The following ANO6 variants were observed in gnomAD, a reference collection of about 807,000 sequenced individuals.
ANO6 encodes the protein anoctamin-6.
In ANO6, 106 loss-of-function variants were observed where a neutral mutation model predicts 117.5. That is an observed-to-expected ratio of 0.90 (90% CI 0.77 to 1.06). ANO6 has a LOEUF of 1.06. Ranked by LOEUF, ANO6 falls within the 50% of genes least tolerant of loss-of-function variation. ANO6 has a pLI of 0.00. For synonymous variants in ANO6, 367 were observed against 385.1 expected (o/e 0.95, Z 0.55); for missense variants, 955 against 1,121.1 (o/e 0.85, Z 2.12).
At chr12:45,337,121 T>C (rs1940848761) in intron 3 of ANO6, among the ~76,000 whole-genome samples, 1 of 152,144 alleles carries the variant, frequency 6.6e-6, no homozygotes, top group African/African-American at 2.4e-5. Context: ...TGTTTTAAGC[T>C]AAGTGAGCAG....
chr12:45,305,970 T>C (rs1939656200), intron 2 of ANO6, among the ~76,000 whole-genome samples: 1 of 152,078 alleles, frequency 6.6e-6, no homozygotes, highest in Non-Finnish European at 1.5e-5. Context: ...CTAGAAACTC[T>C]GACTCTGTTG....
At chr12:45,369,744 A>C (rs987725165) in intron 9 of ANO6, among the ~76,000 whole-genome samples, 2 of 152,194 alleles carry the variant, frequency 1.3e-5, no homozygotes, top group African/African-American at 4.8e-5. Flanking sequence ...AAAGAGTACT[A>C]ATTTACAGAT....
Position 45,376,779 on chromosome 12 carries a change from C to A in ANO6, c.1105-1274C>A, listed in dbSNP as rs1198438090. Among the ~76,000 whole-genome samples, 6 of 150,236 alleles carry A rather than the reference C, an allele frequency of 4.0e-5. No individual in the cohort carries two copies. In the East Asian group the frequency reaches 1.2e-3, roughly 29 times the overall value. On this transcript the variant is annotated intron_variant, in intron 9 of 19. Coordinates refer to ENST00000320560, the MANE Select transcript of ANO6 (RefSeq NM_001025356.3). ...ATGATGAGTTAGTGGGTGCAGCGCA[C>A]CAACATGGCACATGTATACATATGT...
At chr12:45,239,136 T>C (rs1223216516) in intron 1 of ANO6, among the ~76,000 whole-genome samples, 1 of 152,192 alleles carries the variant, frequency 6.6e-6, no homozygotes, top group Non-Finnish European at 1.5e-5. Flanking sequence ...CTCTTTATAC[T>C]TCTGGTAGAA....
At chr12:45,293,329 T>C (rs562475559) in intron 1 of ANO6, among the ~76,000 whole-genome samples, 1 of 152,272 alleles carries the variant, frequency 6.6e-6, no homozygotes, top group East Asian at 1.9e-4. Flanking sequence ...GCTCATGGAC[T>C]AGTGGAGAAG....
At chr12:45,286,899 G>A (rs1938934610) in intron 1 of ANO6, among the ~76,000 whole-genome samples, 1 of 152,152 alleles carries the variant, frequency 6.6e-6, no homozygotes, top group African/African-American at 2.4e-5. Flanking sequence ...CCGTGGTTAG[G>A]AAGTGGTAGG....
At chr12:45,319,264 G>A (rs1940169052) in intron 2 of ANO6, among the ~76,000 whole-genome samples, 2 of 152,124 alleles carry the variant, frequency 1.3e-5, no homozygotes, top group Admixed American at 6.6e-5. Flanking sequence ...GTCATAAATA[G>A]CTCTTATCAT....
At chr12:45,371,166 G>T in intron 9 of ANO6, among the ~76,000 whole-genome samples, 1 of 152,280 alleles carries the variant, frequency 6.6e-6, no homozygotes, top group South Asian at 2.1e-4. Context: ...CTTAAAAAAC[G>T]GCGCACCACA....
intron 2 of ANO6, among the ~76,000 whole-genome samples, chr12:45,308,530 A>G (rs1040283066): frequency 6.6e-6 from 1 of 152,014 alleles, no homozygotes; most frequent in African/African-American, 2.4e-5. Flanking sequence ...CACAGGGGAA[A>G]TGGAATGTCA....
chr12:45,279,231 AG>A (rs1278784812), intron 1 of ANO6, among the ~76,000 whole-genome samples: 2 of 152,210 alleles, frequency 1.3e-5, no homozygotes, highest in Non-Finnish European at 2.9e-5. Context: ...CCCTACCTTC[AG>A]TCCCACTTCC....
At chr12:45,218,485 A>G (rs1237012464) in intron 1 of ANO6, among the ~76,000 whole-genome samples, 1 of 143,290 alleles carries the variant, frequency 7.0e-6, no homozygotes, top group Non-Finnish European at 1.5e-5. Context: ...GCCTCGACCT[A>G]CGGGGCTCAA....
intron 12 of ANO6, among the ~76,000 whole-genome samples, chr12:45,390,814 A>G (rs1167020359): frequency 6.6e-6 from 1 of 152,164 alleles, no homozygotes; most frequent in Non-Finnish European, 1.5e-5. Flanking sequence ...AAAATTTTCC[A>G]ACAGCAACAA....
intron 6 of ANO6, 114 bp downstream of exon 6, chr12:45,348,745 C>A: frequency 1.2e-6 from 1 of 807,552 alleles, no homozygotes; most frequent in Non-Finnish European, 2.2e-6. Flanking sequence ...ATGAAGGGAA[C>A]ATACTGCAAG....
At chr12:45,439,903 A>G (rs778364477) in exon 20 of ANO6, 4 of 1,499,176 alleles carry the variant, frequency 2.7e-6, no homozygotes, top group Non-Finnish European at 3.6e-6. Context: ...TTTGGGGCCA[A>G]CTCCGTGTTT....
rs965649960 is a variant in ANO6 at position 45,405,866 on chromosome 12, C to T, written c.1880+2330C>T. On this transcript the variant is annotated intron_variant, in intron 15 of 19. Transcript: ENST00000320560. ...AGGTTGCAGTGAGCCGAGATCGCACCATTGCACTCCAGCCTAGGCAACAAG... is the reference window on the plus strand; with the variant it reads ...AGGTTGCAGTGAGCCGAGATCGCACTATTGCACTCCAGCCTAGGCAACAAG... 1.6e-4 allele frequency among the ~76,000 whole-genome samples: 25 copies of T among 152,032 alleles called. 1 individual carries two copies. Among genetic ancestry groups the T allele is most frequent in the African/African-American group, 5.8e-4 (24 of 41,376 alleles).
intron 1 of ANO6, among the ~76,000 whole-genome samples, chr12:45,284,255 G>A (rs1938835500): frequency 6.6e-6 from 1 of 152,106 alleles, no homozygotes; most frequent in Non-Finnish European, 1.5e-5. Flanking sequence ...CTTCTTTCTG[G>A]GTAAGACTCT....
chr12:45,405,789 T>A (rs189412077), intron 15 of ANO6, among the ~76,000 whole-genome samples: 1 of 152,134 alleles, frequency 6.6e-6, no homozygotes, highest in African/African-American at 2.4e-5. Flanking sequence ...ATGCCTGTAA[T>A]CCCAGCTACT....
intron 16 of ANO6, 22 bp from the exon 17 acceptor site, chr12:45,416,677 T>C: frequency 6.2e-7 from 1 of 1,612,052 alleles, no homozygotes. Flanking sequence ...CACTCCATGA[T>C]GTGTGTCCAT....
intron 2 of ANO6, among the ~76,000 whole-genome samples, chr12:45,309,379 A>G (rs913885101): frequency 6.6e-6 from 1 of 152,080 alleles, no homozygotes; most frequent in African/African-American, 2.4e-5. Context: ...ATGGACCTGA[A>G]ATGAATTTTC....
Sources: gnomAD v4.1 joint callset for allele counts (sites outside exome capture counted in the v4.1 genomes callset) on GRCh38, gnomAD v4.1.1 for gene constraint, MANE v1.5 for transcripts, NCBI Gene and HGNC (gene_info 2026-07-23, HGNC 2026-07-21) for gene names.